GPC5: variants seen among roughly 807,000 people sequenced by gnomAD.
GPC5 encodes the protein glypican-5.
GPC5 carries 47 observed loss-of-function variants against 53.9 expected under a neutral mutation model. That is an observed-to-expected ratio of 0.87 (90% CI 0.69 to 1.11). The LOEUF (loss-of-function observed/expected upper bound fraction) is 1.11, where lower values mean the gene tolerates loss of function less well. Ranked by LOEUF, GPC5 falls within the 50% of genes most tolerant of loss-of-function variation. The pLI, the probability that GPC5 is intolerant of heterozygous loss-of-function variation, is 0.00. For missense variants in GPC5, 748 were observed against 713.1 expected (o/e 1.05, Z -0.56); for synonymous variants, 286 against 263.3 (o/e 1.09, Z -0.84).
At chr13:92,829,774 C>T (rs1877986755) in intron 7 of GPC5, among the ~76,000 whole-genome samples, 1 of 152,064 alleles carries the variant, frequency 6.6e-6, no homozygotes, top group African/African-American at 2.4e-5. Flanking sequence ...AGTCAAATCT[C>T]TATTATTTTC....
intron 5 of GPC5, among the ~76,000 whole-genome samples, chr13:91,761,706 C>T (rs2037416513): frequency 6.6e-6 from 1 of 152,158 alleles, no homozygotes; most frequent in Non-Finnish European, 1.5e-5. Flanking sequence ...GATGAGCTTC[C>T]GTGTCCTCTC....
chr13:92,279,286 A>G (rs2042896825), intron 7 of GPC5, among the ~76,000 whole-genome samples: 2 of 152,138 alleles, frequency 1.3e-5, no homozygotes, highest in Non-Finnish European at 2.9e-5. Flanking sequence ...GGATGCTATC[A>G]TAAATGGAAT....
At chr13:91,974,037 A>C (rs902253150) in intron 6 of GPC5, among the ~76,000 whole-genome samples, 1 of 152,196 alleles carries the variant, frequency 6.6e-6, no homozygotes, top group Admixed American at 6.5e-5. Flanking sequence ...TTAAGTCTGC[A>C]GAGGTTACTG....
chr13:92,410,827 G>T (rs1876009201), intron 7 of GPC5, among the ~76,000 whole-genome samples: 2 of 152,192 alleles, frequency 1.3e-5, no homozygotes, highest in Non-Finnish European at 2.9e-5. Context: ...AAATCTCACA[G>T]CAGTGACTCC....
At chr13:92,281,789 G>C (rs1468488368) in intron 7 of GPC5, among the ~76,000 whole-genome samples, 1 of 152,178 alleles carries the variant, frequency 6.6e-6, no homozygotes, top group Admixed American at 6.5e-5. Context: ...AAACCGCAAA[G>C]ATGGGGAGAA....
At chr13:92,742,680 A>G (rs201457074) in intron 7 of GPC5, among the ~76,000 whole-genome samples, 4,557 of 152,080 alleles carry the variant, frequency 0.03, 314 homozygotes, top group East Asian at 0.28. Context: ...GAATGGTATT[A>G]CCTAGGTTTT....
chr13:91,449,171 A>G (rs1037794683), intron 2 of GPC5, among the ~76,000 whole-genome samples: 2 of 152,106 alleles, frequency 1.3e-5, no homozygotes, highest in Non-Finnish European at 2.9e-5. Context: ...GGAAATATAT[A>G]CTGCTATAGG....
At chr13:91,887,719 C>G (rs1031641153) in intron 5 of GPC5, among the ~76,000 whole-genome samples, 17 of 152,262 alleles carry the variant, frequency 1.1e-4, no homozygotes, top group Middle Eastern at 3.4e-3. Flanking sequence ...CAAGAGTCAC[C>G]TTTGGTCTAC....
intron 7 of GPC5, among the ~76,000 whole-genome samples, chr13:92,720,680 T>G (rs1201082230): frequency 6.6e-6 from 1 of 152,126 alleles, no homozygotes; most frequent in African/African-American, 2.4e-5. Flanking sequence ...TTATAAAGAT[T>G]TACTTATTCT....
In GPC5 at chr13:92,536,728, T is replaced by G. The variant is rs78459124; in HGVS notation, c.1562-329554T>G. Among the ~76,000 whole-genome samples the G allele has an allele frequency of 2.3e-3, 345 of 152,230 alleles. 2 individuals carry two copies. Among genetic ancestry groups the G allele is most frequent in the African/African-American group, 8.2e-3 (339 of 41,550 alleles). The stretch of plus-strand genomic sequence containing the variant: ...GAGTAACCATGAATATCATGGTTTT[T>G]GGAGACTGATGATCTGGACAAAGTC... On this transcript the variant is annotated intron_variant, in intron 7 of 7. Coordinates refer to ENST00000377067, the MANE Select transcript of GPC5 (RefSeq NM_004466.6).
intron 7 of GPC5, among the ~76,000 whole-genome samples, chr13:92,515,412 G>A (rs1880733614): frequency 6.6e-6 from 1 of 152,146 alleles, no homozygotes; most frequent in South Asian, 2.1e-4. Context: ...TAATTCCAGA[G>A]ATTTTTGGTT....
Position 92,131,818 on chromosome 13 carries a change from A to G in GPC5, c.1402-13012A>G, listed in dbSNP as rs138713440. 5.0e-3 allele frequency among the ~76,000 whole-genome samples: 760 copies of G among 152,106 alleles called. 8 individuals are homozygous for G. The highest frequency in any genetic ancestry group is 0.018 in the African/African-American group (737 of 41,540). On this transcript the variant is annotated intron_variant, in intron 6 of 7. Coordinates refer to ENST00000377067, the MANE Select transcript of GPC5 (RefSeq NM_004466.6). ...AATAAGGAGTATACTTAAGATCTGT[A>G]TACTCTGTTACGTGTAAATTATATA...
rs184444596 is a variant in GPC5 at position 92,249,727 on chromosome 13, C to T, written c.1561+104738C>T. 3.4e-3 allele frequency among the ~76,000 whole-genome samples: 511 copies of T among 149,960 alleles called. 2 individuals are homozygous for T. Among genetic ancestry groups the T allele is most frequent in the Non-Finnish European group, 4.3e-3 (291 of 67,966 alleles). On this transcript the variant is annotated intron_variant, in intron 7 of 7. Coordinates refer to ENST00000377067, the MANE Select transcript of GPC5 (RefSeq NM_004466.6). Reference sequence around the variant, plus strand: ...ATGAGGGTGAGTAGAGAATGCAGAGCGGACCAGGCAATTCAGGAATCTATG... The same window carrying T: ...ATGAGGGTGAGTAGAGAATGCAGAGTGGACCAGGCAATTCAGGAATCTATG...
chr13:91,628,512 A>ATCTC (rs3084146), intron 2 of GPC5, among the ~76,000 whole-genome samples: 72,540 of 130,434 alleles, frequency 0.56, 20,523 homozygotes, highest in Non-Finnish European at 0.63. Flanking sequence ...CTATCTCTCT[A>ATCTC]TCTATCTGTC....
intron 6 of GPC5, among the ~76,000 whole-genome samples, chr13:91,939,993 G>A (rs922324406): frequency 1.3e-5 from 2 of 151,884 alleles, no homozygotes; most frequent in South Asian, 2.1e-4. Flanking sequence ...CTCACACATC[G>A]GGTCTATCCA....
intron 6 of GPC5, among the ~76,000 whole-genome samples, chr13:92,123,259 A>T (rs1164969693): frequency 6.6e-6 from 1 of 151,826 alleles, no homozygotes; most frequent in Non-Finnish European, 1.5e-5. Context: ...AAAAAAAACT[A>T]TTTGGTTTTG....
chr13:91,550,527 A>G (rs901295414), intron 2 of GPC5, among the ~76,000 whole-genome samples: 3 of 152,254 alleles, frequency 2.0e-5, no homozygotes, highest in Admixed American at 2.0e-4. Context: ...TTCTCTGAAT[A>G]TATTGGTACA....
At chr13:92,859,952 T>G (rs937647014) in intron 7 of GPC5, among the ~76,000 whole-genome samples, 7 of 152,244 alleles carry the variant, frequency 4.6e-5, no homozygotes, top group African/African-American at 1.7e-4. Context: ...TCCCTTCATC[T>G]TTAAACTTCA....
intron 7 of GPC5, among the ~76,000 whole-genome samples, chr13:92,778,672 A>G (rs1178592898): frequency 6.6e-6 from 1 of 152,098 alleles, no homozygotes; most frequent in Non-Finnish European, 1.5e-5. Flanking sequence ...TTCAACCATT[A>G]TTTTACTCTT....
Sources: gnomAD v4.1 joint callset for allele counts (sites outside exome capture counted in the v4.1 genomes callset) on GRCh38, gnomAD v4.1.1 for gene constraint, MANE v1.5 for transcripts, NCBI Gene and HGNC (gene_info 2026-07-23, HGNC 2026-07-21) for gene names.